Variants in SYBU observed in about 807,000 individuals in gnomAD.
SYBU encodes GOLSYN A protein.
A neutral mutation model predicts 35.9 loss-of-function variants in SYBU; 21 were observed. The ratio of observed to expected loss-of-function variants is 0.58; its 90% CI spans 0.41 to 0.84. SYBU has a LOEUF of 0.84. Among genes scored for constraint, SYBU ranks in the 40% least tolerant of loss-of-function variants. The pLI is 0.00. For synonymous variants in SYBU, 319 were observed against 324.3 expected (o/e 0.98, Z 0.18); for missense variants, 768 against 848.2 (o/e 0.91, Z 1.17).
chr8:109,595,343 C>G (rs559141943), intron 3 of SYBU, among the ~76,000 whole-genome samples: 1 of 152,184 alleles, frequency 6.6e-6, no homozygotes, highest in Non-Finnish European at 1.5e-5. Context: ...GCTGTATTGA[C>G]TGAATATCCC....
At chr8:109,647,938 A>G (rs1188519942), upstream of SYBU, 2 of 152,198 alleles carry the variant, frequency 1.3e-5, no homozygotes, top group Non-Finnish European at 2.9e-5. Context: ...CTAAAAGGCA[A>G]GTTTTACCGA....
chr8:109,660,486 A>T (rs1365428284), intron 1 of SYBU, among the ~76,000 whole-genome samples: 1 of 152,176 alleles, frequency 6.6e-6, no homozygotes, highest in African/African-American at 2.4e-5. Context: ...TGTGGCTCAC[A>T]TGAAAATATA....
At chr8:109,661,796 C>T (rs965656959) in intron 1 of SYBU, among the ~76,000 whole-genome samples, 10 of 152,184 alleles carry the variant, frequency 6.6e-5, no homozygotes, top group East Asian at 5.8e-4. Flanking sequence ...GGTAGAGCAC[C>T]GGTCTAGGGT....
chr8:109,691,592 G>T lies in SYBU; in HGVS notation c.-317C>A, dbSNP rs1024260479. On this transcript the variant is annotated 5_prime_UTR_variant, in exon 1 of 8. Transcript: ENST00000422135. The surrounding 1 kb of genome is among the most constrained non-coding windows in gnomAD (Gnocchi z 4.7). ...TGCAGCCAGCCGGGCGGCTGCTGGG[G>T]CTGAGGACAAAATGGAGAGAAGGGC... 12 of 432,482 alleles carry T rather than the reference G, an allele frequency of 2.8e-5. No homozygotes were observed. Among genetic ancestry groups the T allele is most frequent in the African/African-American group, 2.3e-4 (11 of 47,924 alleles). 26.8% of individuals were successfully genotyped at this position (432,482 alleles called of 1,614,324 possible).
chr8:109,656,256 T>C (rs1816350846), intron 1 of SYBU, among the ~76,000 whole-genome samples: 1 of 152,228 alleles, frequency 6.6e-6, no homozygotes, highest in African/African-American at 2.4e-5. Context: ...TTCCTAATGC[T>C]TGAGACACTA....
At chr8:109,665,682 A>G (rs1379001017) in intron 1 of SYBU, among the ~76,000 whole-genome samples, 6 of 152,226 alleles carry the variant, frequency 3.9e-5, no homozygotes, top group Non-Finnish European at 7.3e-5. Flanking sequence ...TTGAAACAAG[A>G]AGGCTCTATT....
intron 2 of SYBU, among the ~76,000 whole-genome samples, chr8:109,633,754 G>C (rs938025972): frequency 1.2e-4 from 19 of 152,172 alleles, no homozygotes; most frequent in African/African-American, 4.6e-4. Flanking sequence ...TTATTTTTGA[G>C]ACAAAGTCTT....
intron 2 of SYBU, among the ~76,000 whole-genome samples, chr8:109,633,365 G>A (rs1029929450): frequency 6.6e-6 from 1 of 152,190 alleles, no homozygotes; most frequent in African/African-American, 2.4e-5. Flanking sequence ...ACACTGAGCA[G>A]GGAAAAGTTG....
At chr8:109,605,043 A>G (rs934230547) in intron 3 of SYBU, among the ~76,000 whole-genome samples, 1 of 152,144 alleles carries the variant, frequency 6.6e-6, no homozygotes, top group Non-Finnish European at 1.5e-5. Flanking sequence ...AAGTGCCACA[A>G]ACTCTCCTGA....
chr8:109,672,517 C>G (rs1817022090), intron 1 of SYBU, among the ~76,000 whole-genome samples: 1 of 152,220 alleles, frequency 6.6e-6, no homozygotes, highest in Non-Finnish European at 1.5e-5. Context: ...TATGCTTTTC[C>G]CATGGTCTTC....
At chr8:109,687,688 AT>A (rs534887484) in intron 1 of SYBU, among the ~76,000 whole-genome samples, 1 of 151,972 alleles carries the variant, frequency 6.6e-6, no homozygotes, top group African/African-American at 2.4e-5. Flanking sequence ...CCAAGTCTAG[AT>A]TTTTTTTCTC....
At chr8:109,685,947 G>A (rs529891889), upstream of SYBU, among the ~76,000 whole-genome samples, 1 of 152,262 alleles carries the variant, frequency 6.6e-6, no homozygotes, top group African/African-American at 2.4e-5. Flanking sequence ...TAGGAGTAAA[G>A]TGATAAAAAT....
intron 3 of SYBU, among the ~76,000 whole-genome samples, chr8:109,612,063 C>T (rs1397977843): frequency 6.6e-6 from 1 of 152,066 alleles, no homozygotes; most frequent in Non-Finnish European, 1.5e-5. Flanking sequence ...CTACTATGGC[C>T]GCGGTTAAGA....
chr8:109,608,148 A>G, intron 3 of SYBU: 1 of 521,780 alleles, frequency 1.9e-6, no homozygotes, highest in Admixed American at 3.5e-5. Context: ...CTATCAGGGA[A>G]GAGCACAGGG....
chr8:109,614,156 T>C (rs529222632), intron 3 of SYBU, among the ~76,000 whole-genome samples: 1 of 152,354 alleles, frequency 6.6e-6, no homozygotes, highest in East Asian at 1.9e-4. Flanking sequence ...TTTGTTTAAA[T>C]TGTGTAATGG....
rs1409692674 is a variant in SYBU at position 109,643,023 on chromosome 8, A to C, written c.25-91T>G. On this transcript the variant is annotated intron_variant, in intron 1 of 6. Coordinates refer to ENST00000276646, the MANE Select transcript of SYBU (RefSeq NM_001099754.2). ...TTCCTTCAAGGATCAATTTCTAAGA[A>C]ATCACATTTCTGAGTATTGAGTCTT... The C allele has an allele frequency of 4.1e-6, 6 of 1,452,744 alleles. No homozygotes were observed. The East Asian group carries it at 1.5e-4, about 36-fold the overall frequency. The allele number at this position is 1,452,744 out of a possible 1,614,324, so 90.0% of individuals were successfully genotyped here. A position where few individuals can be genotyped will look rare whatever the true frequency, so the allele number is the denominator to read the frequency against.
rs756256634 is a variant in SYBU, at chr8:109,644,654, C to T, written c.6G>A (p.Gly2=). 5 of 1,525,952 alleles carry T rather than the reference C, an allele frequency of 3.3e-6. No individual in the cohort carries two copies. In the South Asian group the frequency reaches 4.8e-5, roughly 15 times the overall value. 94.5% of individuals were successfully genotyped at this position (1,525,952 alleles called of 1,614,324 possible). The part of the protein sequence containing the change: M[G]PLRESKKEHR... ...TCCTTACCTTGCTCTCGCGGAGGGGCCCCATCGCGCCGCTGCCCGCCGGCT... is the reference window on the plus strand; with the variant it reads ...TCCTTACCTTGCTCTCGCGGAGGGGTCCCATCGCGCCGCTGCCCGCCGGCT... The change falls in exon 1 of 7, where the codon GGG becomes GGA. Residue 2 remains glycine (G), a synonymous_variant. Transcript: ENST00000276646.
At chr8:109,656,504 T>C (rs1298481720) in intron 1 of SYBU, among the ~76,000 whole-genome samples, 2 of 152,176 alleles carry the variant, frequency 1.3e-5, no homozygotes, top group Non-Finnish European at 2.9e-5. Flanking sequence ...TATCTGAAAA[T>C]ATTATTTTAA....
rs77602212 is a variant in SYBU at position 109,609,650 on chromosome 8, C to T, written c.427+9192G>A. 2.3e-4 allele frequency among the ~76,000 whole-genome samples: 35 copies of T among 152,276 alleles called. 1 individual carries two copies. The East Asian group carries it at 6.2e-3, about 27-fold the overall frequency. Reference sequence around the variant, plus strand: ...TTTTCCATAATAAGCACCCATTTGACTCTGATGTCCTGGCTATAACTGGAA... The same window carrying T: ...TTTTCCATAATAAGCACCCATTTGATTCTGATGTCCTGGCTATAACTGGAA... On this transcript the variant is annotated intron_variant, in intron 3 of 6. Transcript: ENST00000276646.
Sources: gnomAD v4.1 joint callset for allele counts (sites outside exome capture counted in the v4.1 genomes callset) on GRCh38, gnomAD v4.1.1 for gene constraint, Gnocchi (gnomAD v3.1) non-coding constraint, MANE v1.5 for transcripts, NCBI Gene and HGNC (gene_info 2026-07-23, HGNC 2026-07-21) for gene names.